Variants in TTYH1 observed in about 807,000 individuals in gnomAD.
TTYH1 encodes the protein protein tweety homolog 1.
In TTYH1, 33 loss-of-function variants were observed where a neutral mutation model predicts 61.2. The ratio of observed to expected loss-of-function variants is 0.54; its 90% CI spans 0.41 to 0.72. The LOEUF (loss-of-function observed/expected upper bound fraction) is 0.72, where lower values mean the gene tolerates loss of function less well. Ranked by LOEUF, TTYH1 falls within the 30% of genes least tolerant of loss-of-function variation. TTYH1 has a pLI of 0.00. For missense variants in TTYH1, 538 were observed against 575.8 expected, an observed-to-expected ratio of 0.93 and a Z score of 0.67; for synonymous variants, 308 against 266.4, an observed-to-expected ratio of 1.16 and a Z score of -1.52.
In TTYH1 at chr19:54,420,900, G is replaced by T; in HGVS notation, c.306-377G>T. On this transcript the variant is annotated intron_variant, in intron 2 of 13. Coordinates refer to ENST00000376530, the MANE Select transcript of TTYH1 (RefSeq NM_020659.4). This position sits in a 1 kb window ranked among gnomAD's most constrained non-coding sequence, Gnocchi z 4.8. ...AGGTGCCAGGAGGGCTGCCTGCCTG[G>T]CAAAGGATGCGGGGGAAGGGTGTGG... The T allele has an allele frequency of 3.3e-6, 1 of 306,060 alleles. No individual in the cohort carries two copies. The highest frequency in any genetic ancestry group is 6.8e-6 in the Non-Finnish European group (1 of 147,834). 19.0% of individuals were successfully genotyped at this position (306,060 alleles called of 1,614,324 possible). A position where few individuals can be genotyped will look rare whatever the true frequency, so the allele number is the denominator to read the frequency against.
intron 4 of TTYH1, 38 bp from the exon 5 acceptor site, chr19:54,426,635 C>A (rs373229151): frequency 3.9e-5 from 61 of 1,559,264 alleles, no homozygotes; most frequent in Non-Finnish European, 5.2e-5. Context: ...TGCCTGGAGG[C>A]AGGTTTGTGG....
intron 12 of TTYH1, 83 bp downstream of exon 12, chr19:54,435,956 C>T (rs1212619327): frequency 2.5e-6 from 4 of 1,579,970 alleles, no homozygotes. Flanking sequence ...GAGGGCCTGG[C>T]CGCCTGGGTC....
rs1422688592 is a variant in TTYH1, at chr19:54,421,929, C to G, written c.418-261C>G. Among the ~76,000 whole-genome samples the G allele has an allele frequency of 1.3e-5, 2 of 152,160 alleles. No individual in the cohort carries two copies. Among genetic ancestry groups the G allele is most frequent in the East Asian group, 1.9e-4 (1 of 5,200 alleles). On this transcript the variant is annotated intron_variant, in intron 3 of 13. Coordinates refer to ENST00000376530, the MANE Select transcript of TTYH1 (RefSeq NM_020659.4). The surrounding 1 kb of genome is among the most constrained non-coding windows in gnomAD (Gnocchi z 4.8). ...TCAGACCTAAAGCTCCACACTTAAT[C>G]TCAGTCCTGGGGCTGGACTTACTAC...
rs368390307 is a variant in TTYH1, at chr19:54,422,397, G to T, written c.625G>T (p.Val209Leu). ...PLQVAENVSFVEEYRWLAYVL... is the reference protein window; with the variant it reads ...PLQVAENVSFLEEYRWLAYVL... ...GCAGGTGGCTGAAAATGTGTCCTTT[G>T]TGGAGGAGTACAGGTGAGACGCTGC... Residue 209 changes from valine (V) to leucine (L), a missense_variant, in exon 4 of 14, where the codon GTG becomes TTG. Physicochemically the swap from Val to Leu is conservative, Grantham distance 32. Coordinates refer to ENST00000376530, the MANE Select transcript of TTYH1 (RefSeq NM_020659.4). 3 of 1,564,438 alleles carry T rather than the reference G, an allele frequency of 1.9e-6. No homozygotes were observed. The highest frequency in any genetic ancestry group is 1.9e-5 in the Admixed American group (1 of 52,178).
Position 54,420,321 on chromosome 19 carries a change from C to T in TTYH1, c.306-956C>T, listed in dbSNP as rs536499320. On this transcript the variant is annotated intron_variant, in intron 2 of 13. Transcript: ENST00000376530. The surrounding 1 kb of genome is among the most constrained non-coding windows in gnomAD (Gnocchi z 4.8). Reference sequence around the variant, plus strand: ...GTGGCCTGTATTCAGGACGCTTCCTCCTCCGGCTCTCTGGCGTGGGGGGAG... The same window carrying T: ...GTGGCCTGTATTCAGGACGCTTCCTTCTCCGGCTCTCTGGCGTGGGGGGAG... 3.3e-5 allele frequency among the ~76,000 whole-genome samples: 5 copies of T among 152,306 alleles called. No individual in the cohort carries two copies. The South Asian group carries it at 1.0e-3, about 32-fold the overall frequency.
chr19:54,415,887 G>C lies in TTYH1; in HGVS notation c.126+209G>C. 3.8e-6 allele frequency: 3 copies of C among 791,894 alleles called. No homozygotes were observed. Among genetic ancestry groups the C allele is most frequent in the Non-Finnish European group, 5.8e-6 (3 of 516,738 alleles). The allele number at this position is 791,894 out of a possible 1,614,324, so 49.1% of individuals were successfully genotyped here. A position where few individuals can be genotyped will look rare whatever the true frequency, so the allele number is the denominator to read the frequency against. Reference sequence around the variant, plus strand: ...CGCGCGCTGGGGGTCCAGACCTCGAGCTCTCTAAATAAGGGAAGGCTGGGG... The same window carrying C: ...CGCGCGCTGGGGGTCCAGACCTCGACCTCTCTAAATAAGGGAAGGCTGGGG... On this transcript the variant is annotated intron_variant, in intron 1 of 13. Coordinates refer to ENST00000376530, the MANE Select transcript of TTYH1 (RefSeq NM_020659.4). This position sits in a 1 kb window ranked among gnomAD's most constrained non-coding sequence, Gnocchi z 5.2.
Position 54,435,850 on chromosome 19 carries a change from G to A in TTYH1, c.1291G>A (p.Asp431Asn), listed in dbSNP as rs1169708186. The A allele has an allele frequency of 4.3e-6, 7 of 1,614,046 alleles. No homozygotes were observed. The highest frequency in any genetic ancestry group is 1.1e-5 in the South Asian group (1 of 91,078). The change falls in exon 12 of 14, where the codon GAT (aspartate) becomes AAT (asparagine). Residue 431 changes from aspartate to asparagine, a missense_variant. This residue lies in a region of TTYH1 where 378 missense variants were observed against 401.2 expected (regional missense o/e 0.94). Transcript: ENST00000376530. ...PPSDDYDDTD[D>N]DDPFNPQESK... Reference sequence around the variant, plus strand: ...CAGTGACGACTACGATGACACAGACGATGACGACCCTTTCAACCCTCAGGT... The same window carrying A: ...CAGTGACGACTACGATGACACAGACAATGACGACCCTTTCAACCCTCAGGT...
intron 4 of TTYH1, among the ~76,000 whole-genome samples, chr19:54,424,506 G>C (rs1004011253): frequency 5.7e-4 from 87 of 152,224 alleles, no homozygotes; most frequent in African/African-American, 2.1e-3. Flanking sequence ...AGGTGCAAGA[G>C]ACAGACAGGC....
In TTYH1 at chr19:54,421,127, C is replaced by A; in HGVS notation, c.306-150C>A. The A allele has an allele frequency of 3.2e-6, 2 of 626,152 alleles. No homozygotes were observed. Among genetic ancestry groups the A allele is most frequent in the South Asian group, 3.6e-5 (2 of 55,036 alleles). The allele number at this position is 626,152 out of a possible 1,614,324, so 38.8% of individuals were successfully genotyped here. ...CAACCGACGGGGGCCAGGCTGAAGT[C>A]GCCCTTTTCCCACGGGCTGGCCCAA... On this transcript the variant is annotated intron_variant, in intron 2 of 13. Transcript: ENST00000376530. The surrounding 1 kb of genome is among the most constrained non-coding windows in gnomAD (Gnocchi z 4.8).
chr19:54,430,487 C>T, intron 7 of TTYH1, 63 bp from the exon 8 acceptor site: 2 of 1,570,286 alleles, frequency 1.3e-6, no homozygotes, highest in Middle Eastern at 1.7e-4. Flanking sequence ...GCCCGGCCTT[C>T]CCCCGGGAGA....
At chr19:54,428,081 T>A in intron 5 of TTYH1, among the ~76,000 whole-genome samples, 1 of 108,660 alleles carries the variant, frequency 9.2e-6, no homozygotes, top group South Asian at 3.6e-4. Flanking sequence ...CCGGCTAAGT[T>A]TTTTTTTTTT....
Position 54,416,347 on chromosome 19 carries a change from G to A in TTYH1, c.126+669G>A, listed in dbSNP as rs1037127030. 3 of 257,046 alleles carry A rather than the reference G, an allele frequency of 1.2e-5. No homozygotes were observed. The highest frequency in any genetic ancestry group is 6.9e-5 in the African/African-American group (3 of 43,782). The allele number at this position is 257,046 out of a possible 1,614,324, so 15.9% of individuals were successfully genotyped here. A position where few individuals can be genotyped will look rare whatever the true frequency, so the allele number is the denominator to read the frequency against. On this transcript the variant is annotated intron_variant, in intron 1 of 13. Transcript: ENST00000376530. This position sits in a 1 kb window ranked among gnomAD's most constrained non-coding sequence, Gnocchi z 7.0. ...GGGATGACAGACCCGGGTCCCGAGG[G>A]TGGGGCCGGTGTGGGAACCTCACAG...
At position 54,420,732 on chromosome 19, in the gene TTYH1, C is replaced by T. The variant is rs2083196466; in HGVS notation, c.306-545C>T. On this transcript the variant is annotated intron_variant, in intron 2 of 13. Coordinates refer to ENST00000376530, the MANE Select transcript of TTYH1 (RefSeq NM_020659.4). The surrounding 1 kb of genome is among the most constrained non-coding windows in gnomAD (Gnocchi z 4.8). ...GTCCCGGGTGGGGGAAGGCCGAGAGCTCCAGGCTCAGCGTCCCCCCAGGAG... is the reference window on the plus strand; with the variant it reads ...GTCCCGGGTGGGGGAAGGCCGAGAGTTCCAGGCTCAGCGTCCCCCCAGGAG... The T allele has an allele frequency of 5.9e-6, 1 of 169,468 alleles. No homozygotes were observed. Among genetic ancestry groups the T allele is most frequent in the African/African-American group, 2.4e-5 (1 of 41,480 alleles). 10.5% of individuals were successfully genotyped at this position (169,468 alleles called of 1,614,324 possible).
At position 54,436,100 on chromosome 19, in the gene TTYH1, C is replaced by T. The variant is rs368619786; in HGVS notation, c.1324C>T (p.Arg442Cys). 1.4e-5 allele frequency: 22 copies of T among 1,613,952 alleles called. No homozygotes were observed. Among genetic ancestry groups the T allele is most frequent in the East Asian group, 2.2e-5 (1 of 44,894 alleles). The change falls in exon 13 of 14, where the codon CGC (arginine) becomes TGC (cysteine). Residue 442 changes from arginine (R) to cysteine (C), a missense_variant. Physicochemically the swap from Arg to Cys is radical, Grantham distance 180. This residue lies in a region of TTYH1 where 378 missense variants were observed against 401.2 expected (regional missense o/e 0.94). Coordinates refer to ENST00000376530, the MANE Select transcript of TTYH1 (RefSeq NM_020659.4). The surrounding 1 kb of genome is among the most constrained non-coding windows in gnomAD (Gnocchi z 4.3). ...CCGAATCTCCTAGCAGGAATCCAAG[C>T]GCTTTGTGCAGTGGCAGTCGTCTAT... Reference protein sequence around the residue: ...DDPFNPQESKRFVQWQSSI With the variant: ...DDPFNPQESKCFVQWQSSI
Position 54,416,734 on chromosome 19 carries a change from G to A in TTYH1, c.126+1056G>A. The stretch of plus-strand genomic sequence containing the variant: ...AGCCCTGAGCAGCTCTTCCCCGCCT[G>A]CTCCTCGCCGCCCCCTCTCCCCACA... On this transcript the variant is annotated intron_variant, in intron 1 of 13. Transcript: ENST00000376530. The surrounding 1 kb of genome is among the most constrained non-coding windows in gnomAD (Gnocchi z 7.0). 1 of 1,289,502 alleles carries A rather than the reference G, an allele frequency of 7.8e-7. No homozygotes were observed. 79.9% of individuals were successfully genotyped at this position (1,289,502 alleles called of 1,614,324 possible).
chr19:54,425,353 T>A (rs889099837), intron 4 of TTYH1, among the ~76,000 whole-genome samples: 4 of 152,120 alleles, frequency 2.6e-5, no homozygotes, highest in Admixed American at 6.5e-5. Context: ...GAAAACAGAG[T>A]TCCCATACAA....
intron 1 of TTYH1, chr19:54,418,129 T>C (rs1489811117): frequency 2.6e-5 from 4 of 152,218 alleles, no homozygotes; most frequent in African/African-American, 7.2e-5. Flanking sequence ...GATCCCAATG[T>C]TGTCCCTCCA....
chr19:54,422,143 T>TC (rs1205572548), intron 3 of TTYH1, 47 bp from the exon 4 acceptor site: 9 of 1,484,394 alleles, frequency 6.1e-6, no homozygotes, highest in Non-Finnish European at 7.3e-6. Context: ...GACCGCGGGC[T>TC]CCCCCCAGGA....
Position 54,436,144 on chromosome 19 carries a change from C to T in TTYH1, c.*15C>T, listed in dbSNP as rs1307316198. 2 of 1,614,136 alleles carry T rather than the reference C, an allele frequency of 1.2e-6. No homozygotes were observed. Among genetic ancestry groups the T allele is most frequent in the Admixed American group, 3.3e-5 (2 of 60,024 alleles). On this transcript the variant is annotated 3_prime_UTR_variant, in exon 13 of 14. Coordinates refer to ENST00000376530, the MANE Select transcript of TTYH1 (RefSeq NM_020659.4). The surrounding 1 kb of genome is among the most constrained non-coding windows in gnomAD (Gnocchi z 4.3). ...CGTCTATCTGAGCCCCTCCTCCCGGCTGGACTGGAGCCTGGCTCCCCTCTT... is the reference window on the plus strand; with the variant it reads ...CGTCTATCTGAGCCCCTCCTCCCGGTTGGACTGGAGCCTGGCTCCCCTCTT...
Sources: allele counts gnomAD v4.1 joint callset (sites outside exome capture counted in the v4.1 genomes callset), GRCh38; gene constraint gnomAD v4.1.1; regional missense constraint gnomAD v4.1.1; non-coding constraint Gnocchi (gnomAD v3.1); transcripts MANE v1.5; gene names NCBI Gene and HGNC (gene_info 2026-07-23, HGNC 2026-07-21).